Variants in ARFGEF1 observed in about 807,000 individuals in gnomAD.
The protein encoded by ARFGEF1 is ARF guanine nucleotide exchange factor 1, also known as brefeldin A-inhibited guanine nucleotide-exchange protein 1.
Under a neutral mutation model 231.0 loss-of-function variants are expected in ARFGEF1, and 42 were observed. The ratio of observed to expected loss-of-function variants is 0.18; its 90% CI spans 0.14 to 0.24. The LOEUF (loss-of-function observed/expected upper bound fraction) is 0.24. Ranked by LOEUF, ARFGEF1 falls within the 10% of genes least tolerant of loss-of-function variation. The pLI is 1.00. For missense variants in ARFGEF1, 1,345 were observed against 2,192.0 expected (o/e 0.61, Z 7.72); for synonymous variants, 710 against 732.3 (o/e 0.97, Z 0.49).
At chr8:67,213,869 A>G (rs183440105) in intron 33 of ARFGEF1, among the ~76,000 whole-genome samples, 4 of 152,326 alleles carry the variant, frequency 2.6e-5, no homozygotes, top group Non-Finnish European at 4.4e-5. Context: ...AGCCTCCACA[A>G]TCACGTAAGC....
chr8:67,197,904 T>C lies in ARFGEF1; in HGVS notation c.*1030A>G, dbSNP rs368516536. 38 of 985,898 alleles carry C rather than the reference T, an allele frequency of 3.9e-5. No individual in the cohort carries two copies. In the East Asian group the frequency reaches 6.8e-4, roughly 18 times the overall value. The allele number at this position is 985,898 out of a possible 1,614,324, so 61.1% of individuals were successfully genotyped here. On this transcript the variant is annotated 3_prime_UTR_variant, in exon 39 of 39. Coordinates refer to ENST00000262215, the MANE Select transcript of ARFGEF1 (RefSeq NM_006421.5). ...ATTCACAGTATGAATACATTTCCAGTAAATCTAACCTCCGCAAACCATGCC... is the reference window on the plus strand; with the variant it reads ...ATTCACAGTATGAATACATTTCCAGCAAATCTAACCTCCGCAAACCATGCC...
At chr8:67,330,897 GA>G (rs1164434940) in intron 1 of ARFGEF1, among the ~76,000 whole-genome samples, 1 of 152,132 alleles carries the variant, frequency 6.6e-6, no homozygotes, top group Non-Finnish European at 1.5e-5. Flanking sequence ...CAAATTGGAT[GA>G]AACAAAATAA....
chr8:67,186,638 CACT>C (rs762671508), intron 5 of ARFGEF1, among the ~76,000 whole-genome samples: 1 of 152,248 alleles, frequency 6.6e-6, no homozygotes, highest in Non-Finnish European at 1.5e-5. Context: ...CCTTTCTCAC[CACT>C]GATTAACATC....
chr8:67,242,332 A>G (rs1378608938), intron 19 of ARFGEF1, among the ~76,000 whole-genome samples: 1 of 152,234 alleles, frequency 6.6e-6, no homozygotes, highest in Non-Finnish European at 1.5e-5. Flanking sequence ...AGAGGGAAGA[A>G]TAAAGAGGAC....
downstream of ARFGEF1, chr8:67,173,756 T>C (rs909370298): frequency 1.3e-5 from 2 of 152,282 alleles, no homozygotes; most frequent in African/African-American, 4.8e-5. Context: ...TTATTTTTTA[T>C]GCTATCAAAT....
intron 12 of ARFGEF1, 40 bp downstream of exon 12, chr8:67,267,051 T>C (rs758699516): frequency 9.9e-6 from 16 of 1,609,580 alleles, no homozygotes; most frequent in Non-Finnish European, 1.4e-5. Context: ...GACTCTTTCC[T>C]GGTAAAGTTT....
chr8:67,217,133 C>T (rs560282299), intron 32 of ARFGEF1, among the ~76,000 whole-genome samples: 1 of 151,944 alleles, frequency 6.6e-6, no homozygotes, highest in Admixed American at 6.5e-5. Flanking sequence ...GGAGAAACCC[C>T]ATCTCAACTA....
Position 67,228,246 on chromosome 8 carries a change from T to C in ARFGEF1, c.3399A>G (p.Thr1133=). The part of the protein sequence containing the change: ...VAVDRIFTGS[T]RLDGNAIVDF... ...TACCAATGGCATTTCCATCTAGCCT[T>C]GTAGATCCTGTGAATATTCTAGGGA... The change falls in exon 24 of 39, where the codon ACA becomes ACG. Residue 1133 remains threonine (T), a synonymous_variant. Coordinates refer to ENST00000262215, the MANE Select transcript of ARFGEF1 (RefSeq NM_006421.5). 6.2e-7 allele frequency: 1 copy of C among 1,610,484 alleles called. No individual in the cohort carries two copies. Among genetic ancestry groups the C allele is most frequent in the Non-Finnish European group, 8.5e-7 (1 of 1,177,680 alleles).
chr8:67,294,719 A>G (rs993183795), intron 5 of ARFGEF1, among the ~76,000 whole-genome samples: 1 of 152,198 alleles, frequency 6.6e-6, no homozygotes, highest in African/African-American at 2.4e-5. Context: ...CTACATATGG[A>G]AAGTCACATA....
chr8:67,251,495 A>G (rs1481077998), intron 18 of ARFGEF1, 45 bp from the exon 19 acceptor site: 3 of 1,493,138 alleles, frequency 2.0e-6, no homozygotes, highest in Non-Finnish European at 2.7e-6. Flanking sequence ...AAAACATTTA[A>G]GAATTCTATT....
chr8:67,337,681 C>T (rs948758400), intron 1 of ARFGEF1, among the ~76,000 whole-genome samples: 2 of 152,068 alleles, frequency 1.3e-5, no homozygotes, highest in Non-Finnish European at 2.9e-5. Context: ...ATCTGAAAGA[C>T]TAAATCCCCC....
chr8:67,195,766 A>AT (rs1437444522), downstream of ARFGEF1: 18 of 597,444 alleles, frequency 3.0e-5, no homozygotes, highest in Non-Finnish European at 5.4e-5. Context: ...AAAGGCCATG[A>AT]TTATTGATTT....
At chr8:67,211,438 C>G (rs1362183763) in intron 34 of ARFGEF1, 45 bp downstream of exon 34, 2 of 1,445,300 alleles carry the variant, frequency 1.4e-6, no homozygotes, top group Non-Finnish European at 1.9e-6. Context: ...TTAACCCTTT[C>G]CTACATAAAA....
At chr8:67,325,223 CTTTTTT>C (rs767351969) in intron 1 of ARFGEF1, among the ~76,000 whole-genome samples, 1 of 143,348 alleles carries the variant, frequency 7.0e-6, no homozygotes, top group East Asian at 2.0e-4. Context: ...GAAAAATCCA[CTTTTTT>C]TTTTTTTTTA....
chr8:67,334,002 G>A lies in ARFGEF1; in HGVS notation c.124+9162C>T, dbSNP rs189533987. Among the ~76,000 whole-genome samples the A allele has an allele frequency of 7.4e-4, 113 of 152,106 alleles. 1 individual carries two copies. The highest frequency in any genetic ancestry group is 2.6e-3 in the African/African-American group (106 of 41,468). On this transcript the variant is annotated intron_variant, in intron 1 of 38. Coordinates refer to ENST00000262215, the MANE Select transcript of ARFGEF1 (RefSeq NM_006421.5). ...AAATACAAAATTAGCTGAGCATGGT[G>A]GCGCATGCCTGTAATCCCAGCTACT...
At chr8:67,225,651 T>TTAGAAACA (rs1246030980) in intron 28 of ARFGEF1, among the ~76,000 whole-genome samples, 1 of 152,116 alleles carries the variant, frequency 6.6e-6, no homozygotes, top group East Asian at 1.9e-4. Flanking sequence ...TAGGGAATGG[T>TTAGAAACA]TAGAAACACA....
At chr8:67,293,409 A>C (rs1295953379) in intron 5 of ARFGEF1, among the ~76,000 whole-genome samples, 1 of 152,196 alleles carries the variant, frequency 6.6e-6, no homozygotes, top group Non-Finnish European at 1.5e-5. Context: ...AATCAAACCA[A>C]TAAAACTTTG....
intron 5 of ARFGEF1, chr8:67,190,637 G>A (rs955277635): frequency 1.3e-6 from 2 of 1,599,056 alleles, no homozygotes; most frequent in Middle Eastern, 1.7e-4. Flanking sequence ...TCTGCTTTTC[G>A]GGGTCCTCTT....
At chr8:67,273,958 T>C (rs1805206633) in intron 9 of ARFGEF1, among the ~76,000 whole-genome samples, 1 of 152,172 alleles carries the variant, frequency 6.6e-6, no homozygotes, top group Admixed American at 6.5e-5. Context: ...AATGAGTGTT[T>C]GTTCTAAGTA....
Sources: gnomAD v4.1 joint callset for allele counts (sites outside exome capture counted in the v4.1 genomes callset) on GRCh38, gnomAD v4.1.1 for gene constraint, MANE v1.5 for transcripts, NCBI Gene and HGNC (gene_info 2026-07-23, HGNC 2026-07-21) for gene names.